The following TENM4 variants were observed in gnomAD, a reference collection of about 807,000 sequenced individuals.
TENM4 encodes teneurin-4.
Under a neutral mutation model 243.3 loss-of-function variants are expected in TENM4, and 82 were observed. The observed-to-expected ratio is 0.34, with a 90% CI of 0.28 to 0.40. The LOEUF (loss-of-function observed/expected upper bound fraction) is 0.40. Ranked by LOEUF, TENM4 falls within the 10% of genes least tolerant of loss-of-function variation. TENM4 has a pLI of 1.00. For synonymous variants in TENM4, 1,412 were observed against 1,456.3 expected, an observed-to-expected ratio of 0.97 and a Z score of 0.69; for missense variants, 3,138 against 3,673.3, an observed-to-expected ratio of 0.85 and a Z score of 3.77.
chr11:78,918,285 G>A (rs1856366661), intron 6 of TENM4, among the ~76,000 whole-genome samples: 2 of 152,112 alleles, frequency 1.3e-5, no homozygotes, highest in Admixed American at 1.3e-4. Flanking sequence ...TGTTTATAGA[G>A]CAGTCCCCTC....
At chr11:78,880,238 A>G (rs895501728) in intron 9 of TENM4, among the ~76,000 whole-genome samples, 2 of 152,194 alleles carry the variant, frequency 1.3e-5, no homozygotes, top group African/African-American at 4.8e-5. Context: ...GCTTTGTTAA[A>G]CAGATGCTTG....
At chr11:79,008,450 C>T (rs1421709922) in intron 6 of TENM4, among the ~76,000 whole-genome samples, 1 of 152,182 alleles carries the variant, frequency 6.6e-6, no homozygotes, top group East Asian at 1.9e-4. Context: ...ACATCATTCA[C>T]ACAACACTAT....
chr11:79,429,469 T>C (rs959152260), intron 1 of TENM4, among the ~76,000 whole-genome samples: 49 of 152,066 alleles, frequency 3.2e-4, no homozygotes, highest in African/African-American at 1.2e-3. Context: ...ACCATTCACA[T>C]AGACAGTGAT....
At chr11:78,695,280 G>C (rs1158102449) in intron 28 of TENM4, among the ~76,000 whole-genome samples, 2 of 152,034 alleles carry the variant, frequency 1.3e-5, no homozygotes, top group African/African-American at 4.8e-5. Flanking sequence ...TCCTTTCTAG[G>C]TTCCCTTACC....
chr11:78,834,232 T>C (rs1591058474), intron 12 of TENM4, among the ~76,000 whole-genome samples: 2 of 152,256 alleles, frequency 1.3e-5, no homozygotes, highest in African/African-American at 4.8e-5. Flanking sequence ...CTCTGATCTA[T>C]ACCCCTTTGT....
intron 1 of TENM4, among the ~76,000 whole-genome samples, chr11:79,328,166 G>A (rs943604320): frequency 6.6e-6 from 1 of 152,140 alleles, no homozygotes; most frequent in African/African-American, 2.4e-5. Context: ...GAACATTTAG[G>A]CTCAGTATTT....
chr11:79,260,913 C>T (rs1485536065), intron 2 of TENM4, among the ~76,000 whole-genome samples: 1 of 152,204 alleles, frequency 6.6e-6, no homozygotes, highest in East Asian at 1.9e-4. Flanking sequence ...AAAGGGACAA[C>T]TGGGCTATGA....
intron 2 of TENM4, among the ~76,000 whole-genome samples, chr11:79,259,789 A>G (rs1855766043): frequency 6.6e-6 from 1 of 152,232 alleles, no homozygotes; most frequent in African/African-American, 2.4e-5. Context: ...CTATGGCGCT[A>G]GGTACCAGCA....
At chr11:79,172,168 G>T (rs1009846147) in intron 3 of TENM4, among the ~76,000 whole-genome samples, 1 of 152,062 alleles carries the variant, frequency 6.6e-6, no homozygotes, top group Non-Finnish European at 1.5e-5. Flanking sequence ...TTCCCAGGCT[G>T]GTCTGAAACC....
chr11:78,830,077 C>T (rs1185396419), intron 12 of TENM4, among the ~76,000 whole-genome samples: 3 of 152,232 alleles, frequency 2.0e-5, no homozygotes, highest in Non-Finnish European at 2.9e-5. Context: ...CGTATTGGGG[C>T]TGCTGAATCC....
chr11:78,769,115 T>C (rs1856598556), intron 18 of TENM4, among the ~76,000 whole-genome samples: 1 of 152,242 alleles, frequency 6.6e-6, no homozygotes, highest in Non-Finnish European at 1.5e-5. Context: ...AAGGGAATGG[T>C]GGCTCTTCTC....
Position 78,708,362 on chromosome 11 carries a change from T to A in TENM4, c.4208A>T (p.Gln1403Leu), listed in dbSNP as rs1859306525. 1 of 1,613,978 alleles carries A rather than the reference T, an allele frequency of 6.2e-7. No individual in the cohort carries two copies. Among genetic ancestry groups the A allele is most frequent in the East Asian group, 2.2e-5 (1 of 44,888 alleles). The change falls in exon 27 of 34, where the codon CAG (glutamine) becomes CTG (leucine). Residue 1403 changes from glutamine to leucine, a missense_variant and splice_region_variant. Coordinates refer to ENST00000278550, the MANE Select transcript of TENM4 (RefSeq NM_001098816.3). The part of the protein sequence containing the change: ...LSCDSVMDIS[Q>L]VHLEWPTDLA... ...CTTTGGTAGATGAAGCCATCTTACC[T>A]GGGAAATATCCATGACAGAATCACA... is the stretch of plus-strand genomic sequence containing the variant.
chr11:78,676,457 G>A, intron 29 of TENM4, 70 bp from the exon 30 acceptor site: 4 of 1,298,980 alleles, frequency 3.1e-6, no homozygotes, highest in Non-Finnish European at 4.2e-6. Context: ...GACAGCAGAG[G>A]CGGTGGAGGG....
At position 79,302,816 on chromosome 11, in the gene TENM4, C is replaced by T. The variant is rs540562649; in HGVS notation, c.-320-5273G>A. Among the ~76,000 whole-genome samples, 3 of 152,292 alleles carry T rather than the reference C, an allele frequency of 2.0e-5. No individual in the cohort carries two copies. The East Asian group carries it at 5.8e-4, about 29-fold the overall frequency. On this transcript the variant is annotated intron_variant, in intron 1 of 33. Coordinates refer to ENST00000278550, the MANE Select transcript of TENM4 (RefSeq NM_001098816.3). The stretch of plus-strand genomic sequence containing the variant: ...AGGCTGCGGTGTAGAGCCACCATTT[C>T]CTTGACCTAATTTGGACTCTTCTCA...
chr11:78,853,452 G>A (rs1858592478), intron 12 of TENM4, among the ~76,000 whole-genome samples: 1 of 152,158 alleles, frequency 6.6e-6, no homozygotes, highest in Non-Finnish European at 1.5e-5. Context: ...TGGCCCAGGG[G>A]CTCAGGGTGA....
chr11:78,757,969 G>C (rs1192295698), intron 18 of TENM4, among the ~76,000 whole-genome samples: 1 of 152,186 alleles, frequency 6.6e-6, no homozygotes, highest in Non-Finnish European at 1.5e-5. Context: ...AAAGTACAAA[G>C]AAAGTCCACC....
chr11:79,406,320 T>C (rs1328845051), intron 1 of TENM4, among the ~76,000 whole-genome samples: 1 of 152,096 alleles, frequency 6.6e-6, no homozygotes, highest in Non-Finnish European at 1.5e-5. Context: ...CTCATTATCT[T>C]AAGTGAAAAA....
intron 1 of TENM4, among the ~76,000 whole-genome samples, chr11:79,406,269 C>CT (rs901234636): frequency 1.3e-5 from 2 of 152,102 alleles, no homozygotes; most frequent in African/African-American, 4.8e-5. Flanking sequence ...TCAACTGACT[C>CT]TTTGTTTCTG....
At chr11:79,139,718 T>G (rs1229347068) in intron 4 of TENM4, among the ~76,000 whole-genome samples, 1 of 99,166 alleles carries the variant, frequency 1.0e-5, no homozygotes, top group East Asian at 2.5e-4. Context: ...TATAAGTATA[T>G]AAAATATATA....
Sources: gnomAD v4.1 joint callset for allele counts (sites outside exome capture counted in the v4.1 genomes callset) on GRCh38, gnomAD v4.1.1 for gene constraint, MANE v1.5 for transcripts, NCBI Gene and HGNC (gene_info 2026-07-23, HGNC 2026-07-21) for gene names.